Variants in SPG11 observed in about 807,000 individuals in gnomAD.
The protein encoded by SPG11 is spatacsin.
Under a neutral mutation model 274.0 loss-of-function variants are expected in SPG11, and 222 were observed. That is an observed-to-expected ratio of 0.81 (90% CI 0.73 to 0.91). The LOEUF (loss-of-function observed/expected upper bound fraction) is 0.91, where lower values mean the gene tolerates loss of function less well. SPG11 is among the 40% of genes least tolerant of loss of function. The probability of loss-of-function intolerance (pLI) is 0.00; values close to 1 mark genes in which losing one functional copy is unlikely to be tolerated. For synonymous variants in SPG11, 1,144 were observed against 1,039.7 expected, an observed-to-expected ratio of 1.10 and a Z score of -1.93; for missense variants, 3,114 against 2,872.7, an observed-to-expected ratio of 1.08 and a Z score of -1.92.
chr15:44,649,082 T>A, intron 6 of SPG11, 71 bp from the exon 7 acceptor site: 1 of 1,208,570 alleles, frequency 8.3e-7, no homozygotes, highest in Non-Finnish European at 1.2e-6. Context: ...GGAATTGATT[T>A]TTAATTACTC....
In SPG11 at chr15:44,629,369, T is replaced by A. The variant is rs2141045191; in HGVS notation, c.1755A>T (p.Pro585=). 1 of 1,614,126 alleles carries A rather than the reference T, an allele frequency of 6.2e-7. No homozygotes were observed. Among genetic ancestry groups the A allele is most frequent in the Non-Finnish European group, 8.5e-7 (1 of 1,180,016 alleles). The change falls in exon 9 of 40, where the codon CCA becomes CCT. Residue 585 remains proline (P), a synonymous_variant. Transcript: ENST00000261866. ...LYLRNVEELI[P]ALDLLCSAIR... is the part of the protein sequence containing the mutation. Reference sequence around the variant, plus strand: ...TTGCCGAGCAAAGTAAATCCAATGCTGGTATCAGCTCTTCCACATCTGAGA... The same window carrying A: ...TTGCCGAGCAAAGTAAATCCAATGCAGGTATCAGCTCTTCCACATCTGAGA...
chr15:44,646,652 AAG>A (rs1366764901), intron 7 of SPG11, among the ~76,000 whole-genome samples: 2 of 152,210 alleles, frequency 1.3e-5, no homozygotes, highest in African/African-American at 4.8e-5. Flanking sequence ...AGCCATAAAA[AAG>A]AGCGAGGTCA....
chr15:44,599,392 C>T (rs1242578627), intron 21 of SPG11, among the ~76,000 whole-genome samples: 2 of 152,046 alleles, frequency 1.3e-5, no homozygotes, highest in African/African-American at 4.8e-5. Flanking sequence ...CTCTGCCTCC[C>T]GGGTTCAAGC....
rs369112409 is a variant in SPG11, at chr15:44,651,943, G to A, written c.1008-4C>T. The A allele has an allele frequency of 9.9e-6, 16 of 1,608,458 alleles. No homozygotes were observed. The highest frequency in any genetic ancestry group is 1.4e-5 in the Non-Finnish European group (16 of 1,178,886). Reference sequence around the variant, plus strand: ...TGATAGCTGGGCTTTCCAAGACCTGGAAACAAGGTAAAATATAACTTAACA... The same window carrying A: ...TGATAGCTGGGCTTTCCAAGACCTGAAAACAAGGTAAAATATAACTTAACA... On this transcript the variant is annotated splice_region_variant and splice_polypyrimidine_tract_variant and intron_variant, in intron 5 of 39. Coordinates refer to ENST00000261866, the MANE Select transcript of SPG11 (RefSeq NM_025137.4).
chr15:44,658,947 A>ATAAGTTTTAC (rs2085020267), intron 3 of SPG11, 132 bp downstream of exon 3: 1 of 780,224 alleles, frequency 1.3e-6, no homozygotes, highest in African/African-American at 1.7e-5. Context: ...ATCTTTTTCC[A>ATAAGTTTTAC]TGAAAAGTTT....
chr15:44,620,591 G>C (rs1243516838), intron 14 of SPG11, 188 bp from the exon 15 acceptor site: 4 of 562,654 alleles, frequency 7.1e-6, no homozygotes, highest in Non-Finnish European at 9.3e-6. Context: ...GCCCAGGCTG[G>C]AGTGCAGTGG....
intron 21 of SPG11, 88 bp from the exon 22 acceptor site, chr15:44,598,924 G>A: frequency 3.8e-6 from 5 of 1,310,246 alleles, no homozygotes; most frequent in Non-Finnish European, 5.4e-6. Context: ...AGTGACAGAG[G>A]GAGTGCCAGC....
intron 28 of SPG11, chr15:44,588,543 T>C (rs909682363): frequency 4.6e-6 from 1 of 218,670 alleles, no homozygotes; most frequent in Non-Finnish European, 9.6e-6. Context: ...TTATATAAGA[T>C]AGTTATAGGA....
At position 44,594,200 on chromosome 15, in the gene SPG11, G is replaced by T. The variant is rs1000323844; in HGVS notation, c.4635+1059C>A. On this transcript the variant is annotated intron_variant, in intron 26 of 39. Transcript: ENST00000261866. ...CCAGCGCTTTGGGAGGCCGAGGTGG[G>T]AGGATCACGAGGTCAGGAGATTGAG... 3.3e-5 allele frequency among the ~76,000 whole-genome samples: 5 copies of T among 151,694 alleles called. No individual in the cohort carries two copies. In the East Asian group the frequency reaches 7.9e-4, roughly 24 times the overall value.
chr15:44,592,585 G>A (rs975250439), intron 26 of SPG11, 147 bp from the exon 27 acceptor site: 108 of 660,722 alleles, frequency 1.6e-4, no homozygotes, highest in Non-Finnish European at 2.2e-4. Context: ...TTGGGAAGCC[G>A]AGCCAGTGGG....
At chr15:44,613,089 A>C (rs986961308) in intron 17 of SPG11, among the ~76,000 whole-genome samples, 2 of 152,208 alleles carry the variant, frequency 1.3e-5, no homozygotes, top group African/African-American at 4.8e-5. Flanking sequence ...TCTGGAAGAC[A>C]GACCACTTCT....
intron 28 of SPG11, 131 bp from the exon 29 acceptor site, chr15:44,585,981 C>G: frequency 5.7e-6 from 3 of 528,184 alleles, no homozygotes; most frequent in South Asian, 4.8e-5. Flanking sequence ...AAATAAAAAG[C>G]TGTTTTTTTT....
At chr15:44,566,157 AAAT>A (rs2082304172) in intron 37 of SPG11, 57 bp downstream of exon 37, 6 of 1,606,042 alleles carry the variant, frequency 3.7e-6, no homozygotes, top group Non-Finnish European at 5.1e-6. Context: ...GGACAAAAGA[AAAT>A]AATTTTACTG....
rs752883289 is a variant in SPG11 at position 44,598,813 on chromosome 15, G to A, written c.3710C>T (p.Ala1237Val). 2 of 1,614,172 alleles carry A rather than the reference G, an allele frequency of 1.2e-6. No homozygotes were observed. The highest frequency in any genetic ancestry group is 2.2e-5 in the East Asian group (1 of 44,886). Residue 1237 changes from alanine to valine, a missense_variant, in exon 22 of 40, where the codon GCC becomes GTC. Transcript: ENST00000261866. ...KQLIQQVGNE[A>V]YVIGLSSFHI... ...GAAGGAGGAGAGCCCTATAACATAG[G>A]CTTCATTGCCTACTTGCTGGATCCT...
intron 18 of SPG11, among the ~76,000 whole-genome samples, chr15:44,610,327 T>A (rs1204376905): frequency 6.6e-6 from 1 of 152,000 alleles, no homozygotes; most frequent in African/African-American, 2.4e-5. Flanking sequence ...GGGCTGGAAT[T>A]ACAAATGTGA....
chr15:44,574,992 T>G lies in SPG11; in HGVS notation c.5916A>C (p.Glu1972Asp). ...QKFVTVPSSN[E>D]VVTNLEVLTS... is the part of the protein sequence containing the mutation. ...TCAGCACTTCCAGGTTAGTTACCACTTCATTACTGGAGGGCACTGTCACAA... is the reference window on the plus strand; with the variant it reads ...TCAGCACTTCCAGGTTAGTTACCACGTCATTACTGGAGGGCACTGTCACAA... The change falls in exon 31 of 40, where the codon GAA becomes GAC. Residue 1972 changes from glutamate (E) to aspartate (D), a missense_variant. Transcript: ENST00000261866. 6.2e-7 allele frequency: 1 copy of G among 1,614,088 alleles called. No homozygotes were observed. The highest frequency in any genetic ancestry group is 1.1e-5 in the South Asian group (1 of 91,078).
At chr15:44,619,836 C>A (rs1239155423) in intron 15 of SPG11, among the ~76,000 whole-genome samples, 1 of 151,756 alleles carries the variant, frequency 6.6e-6, no homozygotes, top group Non-Finnish European at 1.5e-5. Context: ...GATTCTCCTG[C>A]CTCAGCCTCC....
intron 30 of SPG11, 72 bp downstream of exon 30, chr15:44,583,742 G>A: frequency 2.5e-6 from 4 of 1,602,398 alleles, no homozygotes; most frequent in Non-Finnish European, 2.6e-6. Context: ...TGCCACAAGG[G>A]TCCCTTCCTT....
chr15:44,654,061 C>A (rs1315639367), intron 4 of SPG11, among the ~76,000 whole-genome samples: 1 of 152,204 alleles, frequency 6.6e-6, no homozygotes, highest in East Asian at 1.9e-4. Context: ...TCAAGCAATC[C>A]TCCTGCCTCA....
Sources: allele counts gnomAD v4.1 joint callset (sites outside exome capture counted in the v4.1 genomes callset), GRCh38; gene constraint gnomAD v4.1.1; transcripts MANE v1.5; gene names NCBI Gene and HGNC (gene_info 2026-07-23, HGNC 2026-07-21).